Variants in HTR4 observed in about 807,000 individuals in gnomAD.
HTR4 encodes 5-hydroxytryptamine (serotonin) receptor 4, G protein-coupled.
A neutral mutation model predicts 36.8 loss-of-function variants in HTR4; 16 were observed. The observed-to-expected ratio is 0.43, with a 90% CI of 0.29 to 0.66. HTR4 has a LOEUF of 0.66. Among genes scored for constraint, HTR4 ranks in the 30% least tolerant of loss-of-function variants. The pLI is 0.13. For missense variants in HTR4, 438 were observed against 490.9 expected (o/e 0.89, Z 1.02); for synonymous variants, 189 against 185.1 (o/e 1.02, Z -0.17).
chr5:148,643,453 C>T (rs1753786111), intron 1 of HTR4, among the ~76,000 whole-genome samples: 1 of 151,758 alleles, frequency 6.6e-6, no homozygotes, highest in Admixed American at 6.6e-5. Context: ...GATTTTTTTC[C>T]CCCAAAGAAT....
rs1428231198 is a variant in HTR4 at position 148,651,689 on chromosome 5, T to TAATAATATTATTGAATATTATTG, written c.-48+2350_-48+2372dup. ...ACTACTGCATGCTGTGAAGTTACCT[T>TAATAATATTATTGAATATTATTG]AATAATATTATTGAATATTATTGAA... is the stretch of plus-strand genomic sequence containing the variant. On this transcript the variant is annotated intron_variant, in intron 1 of 6. Coordinates refer to ENST00000377888, the MANE Select transcript of HTR4 (RefSeq NM_000870.7). 6.6e-5 allele frequency among the ~76,000 whole-genome samples: 10 copies of TAATAATATTATTGAATATTATTG among 151,962 alleles called. No individual in the cohort carries two copies. The East Asian group carries it at 1.5e-3, about 23-fold the overall frequency.
At chr5:148,637,373 G>A (rs969498883) in intron 1 of HTR4, among the ~76,000 whole-genome samples, 8 of 152,146 alleles carry the variant, frequency 5.3e-5, no homozygotes, top group African/African-American at 1.9e-4. Flanking sequence ...CATTAGGACA[G>A]TAATTAGTGA....
At chr5:148,618,243 CTCAAGAACCCAAGAG>C (rs766466729) in intron 2 of HTR4, among the ~76,000 whole-genome samples, 7 of 152,156 alleles carry the variant, frequency 4.6e-5, no homozygotes, top group Non-Finnish European at 1.0e-4. Context: ...CCACCCAAAA[CTCAAGAACCCAAGAG>C]TCAAGGAGCA....
chr5:148,569,331 G>A (rs1760580363), intron 2 of HTR4, among the ~76,000 whole-genome samples: 3 of 152,076 alleles, frequency 2.0e-5, no homozygotes, highest in African/African-American at 7.2e-5. Context: ...ACAGGGAGAG[G>A]AGCAACACAG....
chr5:148,532,717 T>C (rs1758631712), intron 4 of HTR4, among the ~76,000 whole-genome samples: 1 of 151,686 alleles, frequency 6.6e-6, no homozygotes, highest in Non-Finnish European at 1.5e-5. Flanking sequence ...AACATAAGAG[T>C]AAAGTTAATG....
intron 2 of HTR4, among the ~76,000 whole-genome samples, chr5:148,627,524 G>A (rs749231502): frequency 4.6e-5 from 7 of 152,096 alleles, no homozygotes; most frequent in Admixed American, 6.5e-5. Context: ...GAATAAATAC[G>A]CATCTATATT....
chr5:148,602,399 C>T (rs533367687), intron 2 of HTR4, among the ~76,000 whole-genome samples: 2 of 151,962 alleles, frequency 1.3e-5, no homozygotes, highest in Admixed American at 6.6e-5. Flanking sequence ...CAGAAGAAAT[C>T]AAAATGGGAA....
downstream of HTR4, chr5:148,481,507 A>G (rs910483874): frequency 7.0e-7 from 1 of 1,438,058 alleles, no homozygotes; most frequent in South Asian, 1.3e-5. Flanking sequence ...TCTCCCCAAC[A>G]GAATTAAGTC....
chr5:148,637,971 C>T (rs556392142), intron 1 of HTR4, among the ~76,000 whole-genome samples: 8 of 152,240 alleles, frequency 5.3e-5, no homozygotes, highest in African/African-American at 1.7e-4. Flanking sequence ...TGAGTTCACT[C>T]CTAGCTCTGA....
At chr5:148,580,742 T>A (rs1561632023) in intron 2 of HTR4, among the ~76,000 whole-genome samples, 1 of 152,134 alleles carries the variant, frequency 6.6e-6, no homozygotes, top group South Asian at 2.1e-4. Flanking sequence ...ACTTTATGTG[T>A]TTAACACATT....
intron 2 of HTR4, among the ~76,000 whole-genome samples, chr5:148,610,078 T>C (rs1323519127): frequency 6.6e-6 from 1 of 152,236 alleles, no homozygotes; most frequent in Non-Finnish European, 1.5e-5. Flanking sequence ...AATTCTAATA[T>C]GATGTTGTCC....
chr5:148,576,055 T>C (rs1760886693), intron 2 of HTR4, among the ~76,000 whole-genome samples: 1 of 132,954 alleles, frequency 7.5e-6, no homozygotes, highest in African/African-American at 2.9e-5. Flanking sequence ...ACAAAATCAA[T>C]GTAAAAAATC....
In HTR4 at chr5:148,483,021, C is replaced by T; in HGVS notation, c.*182G>A. On this transcript the variant is annotated 3_prime_UTR_variant, in exon 7 of 7. Transcript: ENST00000377888. ...ACAAGGAGGCCATTATGTCCCCTGACTCCCTCCAGCGCCACCTGCTGGAAT... is the reference window on the plus strand; with the variant it reads ...ACAAGGAGGCCATTATGTCCCCTGATTCCCTCCAGCGCCACCTGCTGGAAT... 6.9e-7 allele frequency: 1 copy of T among 1,448,760 alleles called. No homozygotes were observed. Among genetic ancestry groups the T allele is most frequent in the South Asian group, 1.5e-5 (1 of 67,506 alleles). 89.7% of individuals were successfully genotyped at this position (1,448,760 alleles called of 1,614,324 possible). A position where few individuals can be genotyped will look rare whatever the true frequency, so the allele number is the denominator to read the frequency against.
chr5:148,500,478 T>C (rs2113752588), intron 6 of HTR4, among the ~76,000 whole-genome samples: 1 of 151,968 alleles, frequency 6.6e-6, no homozygotes, highest in East Asian at 1.9e-4. Context: ...AGGAAGTATT[T>C]TAAGAAGGAA....
At chr5:148,470,662 G>T (rs2113703515) in intron 5 of HTR4, among the ~76,000 whole-genome samples, 1 of 152,246 alleles carries the variant, frequency 6.6e-6, no homozygotes, top group African/African-American at 2.4e-5. Context: ...GGCCCACAGA[G>T]CTGTAGTTTG....
intron 2 of HTR4, among the ~76,000 whole-genome samples, chr5:148,600,178 G>A (rs1336123381): frequency 1.3e-5 from 2 of 150,122 alleles, no homozygotes; most frequent in Non-Finnish European, 3.0e-5. Flanking sequence ...AGAAAGCATT[G>A]TTAACTGGGT....
chr5:148,490,491 G>C (rs1162369024), intron 6 of HTR4: 2 of 750,368 alleles, frequency 2.7e-6, no homozygotes, highest in Non-Finnish European at 3.3e-6. Context: ...GGCTGAAATA[G>C]AGTTTGCTGT....
intron 2 of HTR4, among the ~76,000 whole-genome samples, chr5:148,599,788 T>C (rs2127267226): frequency 6.6e-6 from 1 of 152,054 alleles, no homozygotes; most frequent in East Asian, 1.9e-4. Context: ...CTAGATTTAA[T>C]ATGCAAAACA....
chr5:148,640,635 G>C (rs549639491), intron 1 of HTR4, among the ~76,000 whole-genome samples: 1 of 152,174 alleles, frequency 6.6e-6, no homozygotes, highest in South Asian at 2.1e-4. Context: ...TTTTACACTT[G>C]AATGTCCTAA....
Sources: gnomAD v4.1 joint callset for allele counts (sites outside exome capture counted in the v4.1 genomes callset) on GRCh38, gnomAD v4.1.1 for gene constraint, MANE v1.5 for transcripts, NCBI Gene and HGNC (gene_info 2026-07-23, HGNC 2026-07-21) for gene names.